The following PEBP4 variants were observed in gnomAD, a reference collection of about 807,000 sequenced individuals.
The protein encoded by PEBP4 is phosphatidylethanolamine-binding protein 4.
Under a neutral mutation model 23.9 loss-of-function variants are expected in PEBP4, and 22 were observed. The observed-to-expected ratio is 0.92, with a 90% confidence interval of 0.66 to 1.31. The LOEUF (loss-of-function observed/expected upper bound fraction) is 1.31, where lower values mean the gene tolerates loss of function less well. Among genes scored for constraint, PEBP4 ranks in the 40% most tolerant of loss-of-function variants. PEBP4 has a pLI of 0.00. For synonymous variants in PEBP4, 112 were observed against 99.3 expected (o/e 1.13, Z -0.76); for missense variants, 324 against 281.7 (o/e 1.15, Z -1.07).
chr8:22,894,472 C>T (rs1188752939), intron 3 of PEBP4, among the ~76,000 whole-genome samples: 1 of 152,104 alleles, frequency 6.6e-6, no homozygotes, highest in East Asian at 1.9e-4. Context: ...GTCCCAGCTA[C>T]TCAGGAGGCT....
chr8:22,856,981 T>C (rs1031487872), intron 3 of PEBP4, among the ~76,000 whole-genome samples: 3 of 151,942 alleles, frequency 2.0e-5, no homozygotes, highest in African/African-American at 7.3e-5. Flanking sequence ...ATTCAGCCAT[T>C]AAAAATGATA....
chr8:22,789,375 G>A (rs747855760), intron 4 of PEBP4, among the ~76,000 whole-genome samples: 54 of 152,252 alleles, frequency 3.5e-4, no homozygotes, highest in Middle Eastern at 3.4e-3. Context: ...TCCTAGGGAA[G>A]TCTAGACAGT....
intron 3 of PEBP4, among the ~76,000 whole-genome samples, chr8:22,821,439 C>G (rs941805078): frequency 6.6e-6 from 1 of 152,120 alleles, no homozygotes; most frequent in Non-Finnish European, 1.5e-5. Context: ...CTCTGAGATT[C>G]TGTCTTGGGC....
chr8:22,722,797 G>A (rs188530004), intron 6 of PEBP4, among the ~76,000 whole-genome samples: 207 of 149,756 alleles, frequency 1.4e-3, no homozygotes, highest in African/African-American at 4.8e-3. Flanking sequence ...TTTTTGAGAC[G>A]GAGTCTCTCT....
chr8:22,733,102 T>A (rs1009573784), intron 4 of PEBP4, among the ~76,000 whole-genome samples: 3 of 152,210 alleles, frequency 2.0e-5, no homozygotes, highest in Non-Finnish European at 4.4e-5. Flanking sequence ...CAGGCAACCA[T>A]CCAACTGGTT....
intron 2 of PEBP4, among the ~76,000 whole-genome samples, 183 bp from the exon 3 acceptor site, chr8:22,920,493 T>C (rs1315670972): frequency 5.3e-5 from 8 of 152,150 alleles, no homozygotes; most frequent in African/African-American, 1.9e-4. Flanking sequence ...TCCTCACCTG[T>C]AAAACGAAGA....
intron 2 of PEBP4, among the ~76,000 whole-genome samples, chr8:22,922,761 G>A (rs757577841): frequency 1.3e-5 from 2 of 151,828 alleles, no homozygotes; most frequent in Non-Finnish European, 2.9e-5. Context: ...AAACCTCAAA[G>A]GTGCCACCTT....
rs559764377 is a variant in PEBP4, at chr8:22,777,773, G to A, written c.357+39864C>T. Among the ~76,000 whole-genome samples the A allele has an allele frequency of 3.7e-4, 57 of 152,300 alleles. 2 individuals are homozygous for A. In the South Asian group the frequency reaches 0.011, roughly 29 times the overall value. On this transcript the variant is annotated intron_variant, in intron 4 of 6. Transcript: ENST00000256404. ...TCCGACCATGAGGTATTTTCCTGGC[G>A]CTAAGGATAACCTTGTAGGAGGCAG...
chr8:22,891,862 A>AGGAGAT (rs1216602392), intron 3 of PEBP4, among the ~76,000 whole-genome samples: 7 of 152,246 alleles, frequency 4.6e-5, no homozygotes, highest in African/African-American at 1.4e-4. Context: ...TCACGAGGTC[A>AGGAGAT]GGAGATCGAG....
chr8:22,744,992 G>A (rs775704774), intron 4 of PEBP4, among the ~76,000 whole-genome samples: 2 of 152,172 alleles, frequency 1.3e-5, no homozygotes, highest in Admixed American at 6.5e-5. Flanking sequence ...GTCCTGGCCC[G>A]TGATCTAAGT....
intron 4 of PEBP4, among the ~76,000 whole-genome samples, chr8:22,809,690 C>G (rs1806578348): frequency 6.6e-6 from 1 of 152,216 alleles, no homozygotes; most frequent in South Asian, 2.1e-4. Context: ...CACTTGGCAT[C>G]ACTTGCCAAG....
intron 3 of PEBP4, among the ~76,000 whole-genome samples, chr8:22,850,182 T>C (rs978665335): frequency 6.6e-6 from 1 of 152,026 alleles, no homozygotes; most frequent in Non-Finnish European, 1.5e-5. Context: ...CAGTGAGTGA[T>C]TGAGCTGGGA....
chr8:22,816,811 T>G (rs1806750453), intron 4 of PEBP4, among the ~76,000 whole-genome samples: 1 of 152,196 alleles, frequency 6.6e-6, no homozygotes, highest in African/African-American at 2.4e-5. Flanking sequence ...TGTTTGAGGC[T>G]AGTGTGGACT....
chr8:22,900,760 C>T (rs75277124), intron 3 of PEBP4, among the ~76,000 whole-genome samples: 2 of 152,134 alleles, frequency 1.3e-5, no homozygotes, highest in Non-Finnish European at 2.9e-5. Context: ...ATCTGTCTAT[C>T]CTATGCTGAT....
chr8:22,717,212 A>C (rs1206697274), intron 6 of PEBP4, among the ~76,000 whole-genome samples: 1 of 152,126 alleles, frequency 6.6e-6, no homozygotes, highest in Non-Finnish European at 1.5e-5. Flanking sequence ...TTAAAAAAAA[A>C]TTATCTGTAG....
At chr8:22,837,430 G>A (rs1807227000) in intron 3 of PEBP4, among the ~76,000 whole-genome samples, 1 of 152,196 alleles carries the variant, frequency 6.6e-6, no homozygotes, top group Admixed American at 6.5e-5. Flanking sequence ...TGCAGCATTG[G>A]AAAGACGTAG....
chr8:22,852,856 G>A (rs573167280), intron 3 of PEBP4, among the ~76,000 whole-genome samples: 15 of 152,206 alleles, frequency 9.9e-5, no homozygotes, highest in Admixed American at 3.3e-4. Flanking sequence ...GCTAAGATGC[G>A]TGTGTTCATG....
chr8:22,802,421 C>T (rs1412529105), intron 4 of PEBP4, among the ~76,000 whole-genome samples: 1 of 152,206 alleles, frequency 6.6e-6, no homozygotes, highest in African/African-American at 2.4e-5. Context: ...CCAGTTTCTG[C>T]CCAAAGCTGC....
intron 4 of PEBP4, among the ~76,000 whole-genome samples, chr8:22,740,709 TC>T (rs957637002): frequency 6.6e-6 from 1 of 151,968 alleles, no homozygotes; most frequent in Non-Finnish European, 1.5e-5. Context: ...GGCTCACCCT[TC>T]CCCCTGTGGC....
Sources: gnomAD v4.1 joint callset for allele counts (sites outside exome capture counted in the v4.1 genomes callset) on GRCh38, gnomAD v4.1.1 for gene constraint, MANE v1.5 for transcripts, NCBI Gene and HGNC (gene_info 2026-07-23, HGNC 2026-07-21) for gene names.